The following TNFRSF19 variants were observed in gnomAD, a reference collection of about 807,000 sequenced individuals.
TNFRSF19 encodes the protein TNF receptor superfamily member 19, also known as tumor necrosis factor receptor superfamily member 19.
A neutral mutation model predicts 46.4 loss-of-function variants in TNFRSF19; 27 were observed. The observed-to-expected ratio is 0.58, with a 90% CI of 0.43 to 0.80. The LOEUF (loss-of-function observed/expected upper bound fraction) is 0.80. TNFRSF19 is among the 30% of genes least tolerant of loss of function. The pLI is 0.00. For missense variants in TNFRSF19, 511 were observed against 530.8 expected (o/e 0.96, Z 0.37); for synonymous variants, 204 against 205.0 (o/e 1.00, Z 0.04).
At chr13:23,590,300 A>G (rs1879172968) in intron 2 of TNFRSF19, 48 bp downstream of exon 2, 2 of 1,179,330 alleles carry the variant, frequency 1.7e-6, no homozygotes, top group Admixed American at 2.2e-5. Flanking sequence ...GAAAGAATTC[A>G]TGTACTAATA....
chr13:23,578,716 A>C (rs1878141847), intron 1 of TNFRSF19, among the ~76,000 whole-genome samples: 1 of 152,250 alleles, frequency 6.6e-6, no homozygotes, highest in Non-Finnish European at 1.5e-5. Context: ...TATTTTACAG[A>C]CGCGATTCTC....
rs1304534664 is a variant in TNFRSF19, at chr13:23,674,457, C to T, written c.*1077C>T. The T allele has an allele frequency of 6.6e-6, 1 of 152,156 alleles. No individual in the cohort carries two copies. The highest frequency in any genetic ancestry group is 6.5e-5 in the Admixed American group (1 of 15,278). 9.4% of individuals were successfully genotyped at this position (152,156 alleles called of 1,614,324 possible). ...AGTTTGACCAGGACATTGTCGTGCT[C>T]CTTCCAATTGTGTAAGATTAGTTAG... is the stretch of plus-strand genomic sequence containing the variant. On this transcript the variant is annotated 3_prime_UTR_variant, in exon 10 of 10. Transcript: ENST00000248484.
In TNFRSF19 at chr13:23,590,131, C is replaced by T; in HGVS notation, c.-34-19C>T. 1 of 1,276,718 alleles carries T rather than the reference C, an allele frequency of 7.8e-7. No individual in the cohort carries two copies. Among genetic ancestry groups the T allele is most frequent in the Non-Finnish European group, 1.1e-6 (1 of 896,148 alleles). 79.1% of individuals were successfully genotyped at this position (1,276,718 alleles called of 1,614,324 possible). On this transcript the variant is annotated intron_variant, in intron 1 of 9. Transcript: ENST00000248484. ...CTGATGTTTTTAATATTAACTGCAT[C>T]TTCCTATCTTTTATTTAGAACTCTC...
At chr13:23,648,852 C>T (rs1170024220) in intron 5 of TNFRSF19, among the ~76,000 whole-genome samples, 1 of 152,110 alleles carries the variant, frequency 6.6e-6, no homozygotes, top group Non-Finnish European at 1.5e-5. Context: ...TATTTTTCCC[C>T]TTTATTTTAT....
rs79789392 is a variant in TNFRSF19 at position 23,664,059 on chromosome 13, T to C, written c.736+3569T>C. On this transcript the variant is annotated intron_variant, in intron 7 of 9. Coordinates refer to ENST00000248484, the MANE Select transcript of TNFRSF19 (RefSeq NM_148957.4). ...CTGGCTTTAGGGGTGAGGTAATTTG[T>C]TCTTGCTTCTCAAATTCTTTCTGTT... Among the ~76,000 whole-genome samples, 451 of 152,202 alleles carry C rather than the reference T, an allele frequency of 3.0e-3. 4 individuals carry two copies. The highest frequency in any genetic ancestry group is 0.01 in the African/African-American group (416 of 41,542).
chr13:23,644,416 C>A (rs572900252), intron 5 of TNFRSF19, among the ~76,000 whole-genome samples: 82 of 152,124 alleles, frequency 5.4e-4, no homozygotes, highest in Non-Finnish European at 9.4e-4. Flanking sequence ...GGGCTTTCCC[C>A]CCTTTGCTTG....
intron 3 of TNFRSF19, among the ~76,000 whole-genome samples, chr13:23,615,091 G>A (rs372518350): frequency 4.3e-4 from 66 of 152,236 alleles, no homozygotes; most frequent in African/African-American, 1.5e-3. Flanking sequence ...TAAAATTGTC[G>A]TGAACACAGA....
At chr13:23,592,147 T>C (rs1011061462) in intron 2 of TNFRSF19, among the ~76,000 whole-genome samples, 2 of 152,148 alleles carry the variant, frequency 1.3e-5, no homozygotes, top group African/African-American at 4.8e-5. Context: ...TGCTTCAAGG[T>C]GGAGAAGGTT....
chr13:23,622,558 G>A (rs768777560), intron 4 of TNFRSF19, among the ~76,000 whole-genome samples: 8 of 152,158 alleles, frequency 5.3e-5, no homozygotes, highest in South Asian at 2.1e-4. Context: ...GTCAGGGAAG[G>A]CTCAGACCTC....
At chr13:23,624,165 G>A (rs1163459235) in intron 4 of TNFRSF19, among the ~76,000 whole-genome samples, 1 of 152,042 alleles carries the variant, frequency 6.6e-6, no homozygotes, top group African/African-American at 2.4e-5. Flanking sequence ...AGTGGTCTTG[G>A]CACCTTGTTG....
At position 23,673,609 on chromosome 13, in the gene TNFRSF19, A is replaced by T. The variant is rs1951789246; in HGVS notation, c.*229A>T. 3 of 1,198,236 alleles carry T rather than the reference A, an allele frequency of 2.5e-6. No homozygotes were observed. In the South Asian group the frequency reaches 1.3e-4, roughly 50 times the overall value. 74.2% of individuals were successfully genotyped at this position (1,198,236 alleles called of 1,614,324 possible). A position where few individuals can be genotyped will look rare whatever the true frequency, so the allele number is the denominator to read the frequency against. ...AAAAGACTCCAGGCCGACTCATGATACTCTGCATCTTTCCTACATGAGAAG... is the reference window on the plus strand; with the variant it reads ...AAAAGACTCCAGGCCGACTCATGATTCTCTGCATCTTTCCTACATGAGAAG... On this transcript the variant is annotated 3_prime_UTR_variant, in exon 10 of 10. Coordinates refer to ENST00000248484, the MANE Select transcript of TNFRSF19 (RefSeq NM_148957.4).
chr13:23,640,398 G>C (rs117252091), intron 5 of TNFRSF19, among the ~76,000 whole-genome samples: 6 of 152,132 alleles, frequency 3.9e-5, no homozygotes, highest in African/African-American at 1.4e-4. Flanking sequence ...CCAGCTTATC[G>C]CCAAGTAAGT....
intron 5 of TNFRSF19, among the ~76,000 whole-genome samples, chr13:23,628,002 T>C (rs928134223): frequency 1.3e-5 from 2 of 151,790 alleles, no homozygotes; most frequent in African/African-American, 4.9e-5. Flanking sequence ...AAATAATTCA[T>C]TGCAAATAAC....
rs1400708287 is a variant in TNFRSF19, at chr13:23,583,477, A to G, written c.-34-6673A>G. Among the ~76,000 whole-genome samples the G allele has an allele frequency of 1.3e-4, 20 of 152,366 alleles. 1 individual carries two copies. The South Asian group carries it at 3.7e-3, about 28-fold the overall frequency. On this transcript the variant is annotated intron_variant, in intron 1 of 9. Transcript: ENST00000248484. Reference sequence around the variant, plus strand: ...TAAGATGTTTAAACAGTATTGGGTTATCTTCTAGTCCACATGTCACATAAT... The same window carrying G: ...TAAGATGTTTAAACAGTATTGGGTTGTCTTCTAGTCCACATGTCACATAAT...
At chr13:23,607,859 G>T (rs114733305) in intron 3 of TNFRSF19, among the ~76,000 whole-genome samples, 2 of 152,148 alleles carry the variant, frequency 1.3e-5, no homozygotes, top group Non-Finnish European at 2.9e-5. Context: ...CTAAAGCCTG[G>T]AAGTGCTTTG....
intron 4 of TNFRSF19, among the ~76,000 whole-genome samples, chr13:23,619,975 GTT>G (rs1881546175): frequency 6.6e-6 from 1 of 152,200 alleles, no homozygotes. Context: ...TACAGTGTTT[GTT>G]TATTCTTTAG....
chr13:23,630,759 G>T (rs1882307093), intron 5 of TNFRSF19, among the ~76,000 whole-genome samples: 1 of 152,222 alleles, frequency 6.6e-6, no homozygotes, highest in South Asian at 2.1e-4. Flanking sequence ...AGTCTGATAA[G>T]AAATGCAGAT....
intron 3 of TNFRSF19, among the ~76,000 whole-genome samples, chr13:23,605,338 A>G (rs1027146867): frequency 6.6e-6 from 1 of 152,220 alleles, no homozygotes; most frequent in Non-Finnish European, 1.5e-5. Flanking sequence ...GATGTGGAGT[A>G]ACAGGAGTTC....
intron 4 of TNFRSF19, among the ~76,000 whole-genome samples, chr13:23,625,608 G>A (rs1042057658): frequency 1.3e-5 from 2 of 152,086 alleles, no homozygotes; most frequent in African/African-American, 4.8e-5. Flanking sequence ...GATTACAGGC[G>A]TGAGCCCCCG....
Sources: gnomAD v4.1 joint callset for allele counts (sites outside exome capture counted in the v4.1 genomes callset) on GRCh38, gnomAD v4.1.1 for gene constraint, MANE v1.5 for transcripts, NCBI Gene and HGNC (gene_info 2026-07-23, HGNC 2026-07-21) for gene names.